The following TMEM132D variants were observed in gnomAD, a reference collection of about 807,000 sequenced individuals.
TMEM132D encodes the protein mature OL transmembrane protein.
In TMEM132D, 21 loss-of-function variants were observed where a neutral mutation model predicts 62.3. That is an observed-to-expected ratio of 0.34 (90% CI 0.24 to 0.49). TMEM132D has a LOEUF of 0.49. Among genes scored for constraint, TMEM132D ranks in the 20% least tolerant of loss-of-function variants. The pLI is 0.99. For missense variants in TMEM132D, 1,346 were observed against 1,402.8 expected (o/e 0.96, Z 0.65); for synonymous variants, 621 against 575.6 (o/e 1.08, Z -1.13).
intron 3 of TMEM132D, among the ~76,000 whole-genome samples, chr12:129,486,308 A>T (rs1481655841): frequency 1.3e-5 from 2 of 152,118 alleles, no homozygotes; most frequent in African/African-American, 4.8e-5. Context: ...TCATCTCCAT[A>T]AAAATTTTAA....
chr12:129,836,716 C>G (rs943512011), intron 1 of TMEM132D, among the ~76,000 whole-genome samples: 1 of 151,816 alleles, frequency 6.6e-6, no homozygotes. Context: ...ATAAAAAGGG[C>G]CCCCAAAACC....
In TMEM132D at chr12:129,726,515, G is replaced by A. The variant is rs192224043; in HGVS notation, c.80-25817C>T. Among the ~76,000 whole-genome samples the A allele has an allele frequency of 2.1e-3, 324 of 152,266 alleles. 1 individual carries two copies. The highest frequency in any genetic ancestry group is 6.6e-3 in the African/African-American group (273 of 41,556). ...AAAGAAGAGGGGAGATGGGGTCAGA[G>A]ACATGGTCATGGGCCAGATCACAAA... On this transcript the variant is annotated intron_variant, in intron 1 of 8. Transcript: ENST00000422113.
At chr12:129,484,030 C>T (rs916022822) in intron 3 of TMEM132D, among the ~76,000 whole-genome samples, 9 of 152,088 alleles carry the variant, frequency 5.9e-5, no homozygotes, top group Non-Finnish European at 5.9e-5. Flanking sequence ...AGTGCCATGG[C>T]GTGATTTCAG....
At chr12:129,634,762 G>A (rs953572467) in intron 2 of TMEM132D, among the ~76,000 whole-genome samples, 1 of 152,022 alleles carries the variant, frequency 6.6e-6, no homozygotes, top group African/African-American at 2.4e-5. Context: ...TATTATTTTT[G>A]CCTTCTTAGT....
chr12:129,209,975 C>G (rs1293542541), intron 4 of TMEM132D: 1 of 289,904 alleles, frequency 3.4e-6, no homozygotes, highest in Non-Finnish European at 6.5e-6. Flanking sequence ...AAGTGCTTTA[C>G]AAATATCGGC....
rs144345643 is a variant in TMEM132D at position 129,348,934 on chromosome 12, A to T, written c.1116-11117T>A. ...CTTGATGTGGCAGGTAAGAATAGTAACTTCCTTCTGGAATGCTTAGTCGGT... is the reference window on the plus strand; with the variant it reads ...CTTGATGTGGCAGGTAAGAATAGTATCTTCCTTCTGGAATGCTTAGTCGGT... On this transcript the variant is annotated intron_variant, in intron 3 of 8. Transcript: ENST00000422113. Among the ~76,000 whole-genome samples, 14 of 152,196 alleles carry T rather than the reference A, an allele frequency of 9.2e-5. No homozygotes were observed. The East Asian group carries it at 2.7e-3, about 29-fold the overall frequency.
chr12:129,859,820 G>A (rs1463864610), intron 1 of TMEM132D, among the ~76,000 whole-genome samples: 1 of 152,126 alleles, frequency 6.6e-6, no homozygotes, highest in Non-Finnish European at 1.5e-5. Flanking sequence ...CTGATTGGTG[G>A]TTGCACTGTC....
At chr12:129,385,980 G>A (rs564620978) in intron 3 of TMEM132D, among the ~76,000 whole-genome samples, 2 of 152,274 alleles carry the variant, frequency 1.3e-5, no homozygotes, top group Admixed American at 6.5e-5. Context: ...ACCTTGTGCT[G>A]CACACAGTTC....
intron 4 of TMEM132D, among the ~76,000 whole-genome samples, chr12:129,324,980 C>T (rs936139760): frequency 2.6e-5 from 4 of 152,174 alleles, no homozygotes; most frequent in Non-Finnish European, 5.9e-5. Flanking sequence ...TTGACTTCCA[C>T]ACTCATTACA....
intron 4 of TMEM132D, among the ~76,000 whole-genome samples, chr12:129,283,145 GA>G (rs751002013): frequency 5.3e-5 from 8 of 152,222 alleles, no homozygotes; most frequent in East Asian, 3.9e-4. Context: ...GGGCATTCAG[GA>G]ATCAAATAAC....
At chr12:129,435,551 A>G (rs1872766212) in intron 3 of TMEM132D, among the ~76,000 whole-genome samples, 2 of 152,220 alleles carry the variant, frequency 1.3e-5, no homozygotes, top group East Asian at 1.9e-4. Context: ...TTTGATTGGC[A>G]TTGCCTTGAT....
intron 2 of TMEM132D, among the ~76,000 whole-genome samples, chr12:129,600,734 C>T (rs1203277829): frequency 1.3e-5 from 2 of 152,164 alleles, no homozygotes; most frequent in East Asian, 1.9e-4. Flanking sequence ...TTGTTAAAGG[C>T]ATCTTTTTTT....
intron 3 of TMEM132D, among the ~76,000 whole-genome samples, chr12:129,480,641 A>G (rs73429754): frequency 0.01 from 1,573 of 152,282 alleles, 32 homozygotes; most frequent in African/African-American, 0.036. Flanking sequence ...CCCACACTCC[A>G]TCTTCCTTAG....
chr12:129,308,866 T>C (rs1566028669), intron 4 of TMEM132D, among the ~76,000 whole-genome samples: 1 of 152,216 alleles, frequency 6.6e-6, no homozygotes, highest in Non-Finnish European at 1.5e-5. Flanking sequence ...AGGTAAATAG[T>C]AGCTGCAGAT....
intron 2 of TMEM132D, chr12:129,681,632 T>C (rs897073681): frequency 6.6e-6 from 1 of 152,170 alleles, no homozygotes. Flanking sequence ...TGATCTATCC[T>C]CAGAAGCTCC....
At chr12:129,793,893 T>C (rs1342391497) in intron 1 of TMEM132D, among the ~76,000 whole-genome samples, 4 of 152,224 alleles carry the variant, frequency 2.6e-5, no homozygotes, top group African/African-American at 9.7e-5. Context: ...ATTTTGCCTA[T>C]GGTGTTGTAG....
intron 5 of TMEM132D, among the ~76,000 whole-genome samples, chr12:129,205,487 C>T (rs566889606): frequency 3.9e-5 from 6 of 151,976 alleles, no homozygotes; most frequent in Non-Finnish European, 8.8e-5. Context: ...ATACATGCAT[C>T]CAATTCAGGG....
At chr12:129,377,805 A>G (rs899735998) in intron 3 of TMEM132D, among the ~76,000 whole-genome samples, 1 of 152,220 alleles carries the variant, frequency 6.6e-6, no homozygotes, top group African/African-American at 2.4e-5. Context: ...TCTGTTATGC[A>G]TCCTGACTTA....
intron 2 of TMEM132D, among the ~76,000 whole-genome samples, chr12:129,541,382 T>C (rs1031700186): frequency 6.6e-6 from 1 of 152,210 alleles, no homozygotes; most frequent in Non-Finnish European, 1.5e-5. Flanking sequence ...TACAAATTGT[T>C]ATGTGGGAAC....
Sources: allele counts gnomAD v4.1 joint callset (sites outside exome capture counted in the v4.1 genomes callset), GRCh38; gene constraint gnomAD v4.1.1; transcripts MANE v1.5; gene names NCBI Gene and HGNC (gene_info 2026-07-23, HGNC 2026-07-21).